Variants in SYT1 observed in about 807,000 individuals in gnomAD.
SYT1 encodes the protein synaptotagmin 1, also known as synaptotagmin-1.
Under a neutral mutation model 44.8 loss-of-function variants are expected in SYT1, and 8 were observed. The ratio of observed to expected loss-of-function variants is 0.18; its 90% CI spans 0.10 to 0.32. The LOEUF (loss-of-function observed/expected upper bound fraction) is 0.32. Ranked by LOEUF, SYT1 falls within the 10% of genes least tolerant of loss-of-function variation. The pLI, the probability that SYT1 is intolerant of heterozygous loss-of-function variation, is 1.00. For missense variants in SYT1, 286 were observed against 509.3 expected (o/e 0.56, Z 4.22); for synonymous variants, 154 against 188.8 (o/e 0.82, Z 1.51).
intron 1 of SYT1, among the ~76,000 whole-genome samples, chr12:78,916,237 A>T (rs2137145373): frequency 6.6e-6 from 1 of 152,192 alleles, no homozygotes; most frequent in Middle Eastern, 3.4e-3. Flanking sequence ...ATTTTCTCTT[A>T]TTTAACTTTA....
chr12:78,976,494 C>G (rs1341015059), intron 1 of SYT1: 1 of 152,176 alleles, frequency 6.6e-6, no homozygotes, highest in African/African-American at 2.4e-5. Context: ...TCATTCCAAT[C>G]CACTGGTTGG....
intron 2 of SYT1, among the ~76,000 whole-genome samples, chr12:78,989,240 G>A (rs984591092): frequency 3.3e-5 from 5 of 151,958 alleles, no homozygotes; most frequent in African/African-American, 1.2e-4. Context: ...TAGGAGGCTG[G>A]ACCTCAGGGA....
Position 79,279,984 on chromosome 12 carries a change from A to C in SYT1, c.167-5803A>C, listed in dbSNP as rs1242018930. Among the ~76,000 whole-genome samples, 4 of 152,170 alleles carry C rather than the reference A, an allele frequency of 2.6e-5. No homozygotes were observed. In the East Asian group the frequency reaches 7.7e-4, roughly 29 times the overall value. ...AGAACTACAAAACACTGATAAAAGA[A>C]ATCATAGATGACACAAACAAATGGA... is the stretch of plus-strand genomic sequence containing the variant. On this transcript the variant is annotated intron_variant, in intron 4 of 10. Coordinates refer to ENST00000261205, the MANE Select transcript of SYT1 (RefSeq NM_005639.3).
chr12:78,885,335 GGAAGA>G, intron 1 of SYT1, among the ~76,000 whole-genome samples: 6 of 145,020 alleles, frequency 4.1e-5, no homozygotes, highest in African/African-American at 1.5e-4. Flanking sequence ...AAGGAGGGAA[GGAAGA>G]AAGGAAGGAA....
At chr12:79,428,177 G>T (rs1565953669) in intron 9 of SYT1, among the ~76,000 whole-genome samples, 2 of 152,244 alleles carry the variant, frequency 1.3e-5, no homozygotes, top group South Asian at 4.2e-4. Flanking sequence ...ATGGTACAGT[G>T]CCTGGTCAAA....
intron 3 of SYT1, among the ~76,000 whole-genome samples, chr12:79,212,796 A>G (rs1486189113): frequency 6.6e-6 from 1 of 152,210 alleles, no homozygotes; most frequent in African/African-American, 2.4e-5. Context: ...CTTAAATGTT[A>G]TTAGTAGAGT....
chr12:78,935,770 AAG>A (rs1299276678), intron 1 of SYT1, among the ~76,000 whole-genome samples: 2 of 152,162 alleles, frequency 1.3e-5, no homozygotes, highest in African/African-American at 4.8e-5. Context: ...TAAAACAAAA[AAG>A]AAATTATTCC....
At chr12:79,123,814 A>G (rs895820079) in intron 3 of SYT1, among the ~76,000 whole-genome samples, 1 of 152,174 alleles carries the variant, frequency 6.6e-6, no homozygotes, top group Non-Finnish European at 1.5e-5. Flanking sequence ...AACAAATATT[A>G]GTTCTTTATT....
At chr12:78,873,637 C>T (rs577240366) in intron 1 of SYT1, among the ~76,000 whole-genome samples, 94 of 151,618 alleles carry the variant, frequency 6.2e-4, no homozygotes, top group Non-Finnish European at 1.3e-3. Flanking sequence ...AGTGTTGTAG[C>T]TTTATCACTA....
At chr12:79,263,371 C>T (rs10778564) in intron 4 of SYT1, among the ~76,000 whole-genome samples, 48 of 151,264 alleles carry the variant, frequency 3.2e-4, no homozygotes, top group Non-Finnish European at 4.9e-4. Context: ...ATAATAATTT[C>T]ATCCTTAGTG....
intron 9 of SYT1, among the ~76,000 whole-genome samples, chr12:79,365,612 A>C (rs1273401388): frequency 6.6e-6 from 1 of 152,122 alleles, no homozygotes; most frequent in Non-Finnish European, 1.5e-5. Context: ...GAGAAAGAAA[A>C]GCAATAGGAG....
At chr12:79,258,619 T>C (rs552358539) in intron 4 of SYT1, among the ~76,000 whole-genome samples, 3 of 152,122 alleles carry the variant, frequency 2.0e-5, no homozygotes, top group Admixed American at 6.5e-5. Context: ...TTCTTAGGAA[T>C]AAAAAGTCTA....
intron 3 of SYT1, among the ~76,000 whole-genome samples, chr12:79,123,034 TAC>T (rs1205073780): frequency 6.6e-6 from 1 of 152,246 alleles, no homozygotes; most frequent in Non-Finnish European, 1.5e-5. Context: ...AGACAATTTC[TAC>T]AGTCACCCAC....
chr12:79,350,542 G>A (rs1457784274), intron 8 of SYT1, among the ~76,000 whole-genome samples: 1 of 151,974 alleles, frequency 6.6e-6, no homozygotes, highest in South Asian at 2.1e-4. Flanking sequence ...GTGAGCCACC[G>A]CGCCCGGCCC....
chr12:79,366,628 C>A (rs1175262285), intron 9 of SYT1, among the ~76,000 whole-genome samples: 16 of 152,320 alleles, frequency 1.1e-4, no homozygotes, highest in African/African-American at 3.8e-4. Context: ...AGAAAGGGAG[C>A]AGCAACTGGC....
chr12:78,913,372 C>A lies in SYT1; in HGVS notation c.-217+48263C>A, dbSNP rs561307842. Among the ~76,000 whole-genome samples, 9 of 151,216 alleles carry A rather than the reference C, an allele frequency of 6.0e-5. No homozygotes were observed. The South Asian group carries it at 1.7e-3, about 28-fold the overall frequency. On this transcript the variant is annotated intron_variant, in intron 1 of 10. Coordinates refer to ENST00000261205, the MANE Select transcript of SYT1 (RefSeq NM_005639.3). ...AAGATCCATAAACTTTGAAAAAATT[C>A]TATTTCTTCAAGAAACAATTTTTAA...
At chr12:79,116,083 T>G (rs1879261791) in intron 3 of SYT1, among the ~76,000 whole-genome samples, 1 of 152,208 alleles carries the variant, frequency 6.6e-6, no homozygotes, top group East Asian at 1.9e-4. Flanking sequence ...TCATTTGTCT[T>G]CTCTAAATTT....
At chr12:78,915,123 A>T (rs1419702015) in intron 1 of SYT1, among the ~76,000 whole-genome samples, 1 of 152,036 alleles carries the variant, frequency 6.6e-6, no homozygotes, top group Non-Finnish European at 1.5e-5. Flanking sequence ...CTTTAGGAAG[A>T]TTGAAGTAGT....
chr12:79,268,066 A>C (rs996507137), intron 4 of SYT1, among the ~76,000 whole-genome samples: 1 of 152,218 alleles, frequency 6.6e-6, no homozygotes, highest in Admixed American at 6.5e-5. Flanking sequence ...AACCTTAATA[A>C]GTTATTCAGT....
Sources: allele counts gnomAD v4.1 joint callset (sites outside exome capture counted in the v4.1 genomes callset), GRCh38; gene constraint gnomAD v4.1.1; transcripts MANE v1.5; gene names NCBI Gene and HGNC (gene_info 2026-07-23, HGNC 2026-07-21).